Variants in LTBP1 observed in about 807,000 individuals in gnomAD.
LTBP1 encodes the protein latent transforming growth factor beta binding protein 1.
In LTBP1, 129 loss-of-function variants were observed where a neutral mutation model predicts 207.6. The ratio of observed to expected loss-of-function variants is 0.62; its 90% confidence interval spans 0.54 to 0.72. The LOEUF is 0.72. Among genes scored for constraint, LTBP1 ranks in the 30% least tolerant of loss-of-function variants. The probability of loss-of-function intolerance (pLI) is 0.00; values close to 1 mark genes in which losing one functional copy is unlikely to be tolerated. For missense variants in LTBP1, 2,281 were observed against 2,217.2 expected, an observed-to-expected ratio of 1.03 and a Z score of -0.58; for synonymous variants, 963 against 833.7, an observed-to-expected ratio of 1.16 and a Z score of -2.67.
intron 15 of LTBP1, among the ~76,000 whole-genome samples, chr2:33,267,476 A>C (rs1055830472): frequency 4.6e-5 from 7 of 152,268 alleles, no homozygotes; most frequent in African/African-American, 1.7e-4. Context: ...GTTATTCTCT[A>C]TTCTGAGGTC....
At chr2:33,263,532 C>A in intron 15 of LTBP1, 140 bp downstream of exon 15, 1 of 576,520 alleles carries the variant, frequency 1.7e-6, no homozygotes. Flanking sequence ...CATCTAAATA[C>A]AGTTAAAAAG....
intron 8 of LTBP1, among the ~76,000 whole-genome samples, chr2:33,220,517 G>T (rs1447753741): frequency 6.6e-6 from 1 of 152,130 alleles, no homozygotes. Context: ...TTAGAAATGT[G>T]CCTAGCATGA....
At chr2:33,347,117 CAAA>C (rs775058448) in intron 25 of LTBP1, among the ~76,000 whole-genome samples, 1 of 51,988 alleles carries the variant, frequency 1.9e-5, no homozygotes, top group African/African-American at 7.2e-5. Context: ...GACTCCGTCT[CAAA>C]AAAAAAAAAA....
chr2:33,048,793 T>C (rs1371915500), intron 3 of LTBP1, among the ~76,000 whole-genome samples: 2 of 152,148 alleles, frequency 1.3e-5, no homozygotes, highest in East Asian at 1.9e-4. Flanking sequence ...AGCCAAAAAA[T>C]CTTACAGTAT....
chr2:33,211,796 C>T (rs2090335596), intron 7 of LTBP1, among the ~76,000 whole-genome samples: 1 of 152,200 alleles, frequency 6.6e-6, no homozygotes, highest in Non-Finnish European at 1.5e-5. Context: ...TGAAGCAACT[C>T]CAGTGGGGAG....
intron 3 of LTBP1, among the ~76,000 whole-genome samples, chr2:33,029,492 A>T (rs1473687236): frequency 6.6e-6 from 1 of 152,234 alleles, no homozygotes; most frequent in Non-Finnish European, 1.5e-5. Context: ...AAGAAAAAAA[A>T]AAGAAAGTTA....
chr2:33,048,978 C>A (rs1272263243), intron 3 of LTBP1, among the ~76,000 whole-genome samples: 1 of 152,102 alleles, frequency 6.6e-6, no homozygotes, highest in Non-Finnish European at 1.5e-5. Flanking sequence ...TGTTGCCCTG[C>A]AGATAATTTA....
chr2:33,118,079 G>A (rs745486163), intron 4 of LTBP1, among the ~76,000 whole-genome samples: 1 of 152,014 alleles, frequency 6.6e-6, no homozygotes, highest in Non-Finnish European at 1.5e-5. Flanking sequence ...AGCCTTACAG[G>A]GCAGAGCTTT....
intron 9 of LTBP1, among the ~76,000 whole-genome samples, chr2:33,239,738 C>CA (rs372396935): frequency 0.47 from 59,617 of 126,818 alleles, 13,190 homozygotes; most frequent in Non-Finnish European, 0.52. Context: ...ACTAAAAATA[C>CA]AAAAAAAAAA....
At chr2:33,010,560 G>C (rs1460998910) in intron 2 of LTBP1, among the ~76,000 whole-genome samples, 2 of 152,106 alleles carry the variant, frequency 1.3e-5, no homozygotes, top group African/African-American at 4.8e-5. Context: ...AATATTCGGG[G>C]TGATGGATGC....
At chr2:33,381,450 C>A (rs759385542) in intron 31 of LTBP1, among the ~76,000 whole-genome samples, 1 of 152,070 alleles carries the variant, frequency 6.6e-6, no homozygotes, top group African/African-American at 2.4e-5. Flanking sequence ...GGTCTATGGC[C>A]CGTGAGTCTC....
At chr2:33,369,816 C>T (rs991113494) in intron 31 of LTBP1, among the ~76,000 whole-genome samples, 1 of 152,198 alleles carries the variant, frequency 6.6e-6, no homozygotes, top group Non-Finnish European at 1.5e-5. Flanking sequence ...GAGAAGTACA[C>T]AGTGAAATTA....
intron 2 of LTBP1, among the ~76,000 whole-genome samples, chr2:32,977,191 C>T (rs921423009): frequency 6.6e-6 from 1 of 152,236 alleles, no homozygotes; most frequent in Non-Finnish European, 1.5e-5. Flanking sequence ...GTGGCCTCCC[C>T]TGCTGTCCAG....
chr2:33,097,682 T>G (rs1189677128), intron 3 of LTBP1, among the ~76,000 whole-genome samples: 4 of 152,210 alleles, frequency 2.6e-5, no homozygotes, highest in Admixed American at 1.3e-4. Flanking sequence ...TATATAATTA[T>G]CTTTAACTTT....
At chr2:33,040,109 GAA>G (rs2076111415) in intron 3 of LTBP1, among the ~76,000 whole-genome samples, 1 of 152,156 alleles carries the variant, frequency 6.6e-6, no homozygotes, top group Admixed American at 6.5e-5. Flanking sequence ...TGGTATGGAA[GAA>G]AAATGAGCAA....
rs977198676 is a variant in LTBP1, at chr2:33,262,743, G to C, written c.2440G>C (p.Glu814Gln). The C allele has an allele frequency of 1.2e-6, 2 of 1,602,196 alleles. No individual in the cohort carries two copies. The highest frequency in any genetic ancestry group is 1.7e-6 in the Non-Finnish European group (2 of 1,172,922). Residue 814 changes from glutamate (E) to glutamine (Q), a missense_variant, in exon 14 of 34, where the codon GAG becomes CAG. By Grantham distance (29) the Glu-to-Gln change is conservative. This residue lies in a region of LTBP1 where 1,671 missense variants were observed against 1,634.8 expected (regional missense o/e 1.02). Coordinates refer to ENST00000404816, the MANE Select transcript of LTBP1 (RefSeq NM_206943.4). ...PEKEIPSLDQEKTKLEPGQPQ... is the reference protein window; with the variant it reads ...PEKEIPSLDQQKTKLEPGQPQ... Reference sequence around the variant, plus strand: ...CCAGGAAATACCTTCATTGGATCAAGAGAAAACCAAACTTGAGCCTGGTCA... The same window carrying C: ...CCAGGAAATACCTTCATTGGATCAACAGAAAACCAAACTTGAGCCTGGTCA...
intron 3 of LTBP1, among the ~76,000 whole-genome samples, chr2:33,039,994 A>G (rs2149395688): frequency 6.6e-6 from 1 of 152,240 alleles, no homozygotes; most frequent in South Asian, 2.1e-4. Context: ...GGAATCAAGG[A>G]GCAGCCAGAA....
intron 3 of LTBP1, among the ~76,000 whole-genome samples, chr2:33,047,344 C>T (rs1003631886): frequency 6.6e-6 from 1 of 152,098 alleles, no homozygotes; most frequent in African/African-American, 2.4e-5. Context: ...AAAGAACTTA[C>T]TTCTTTCTGC....
Position 33,382,074 on chromosome 2 carries a change from C to CTTTTTTTTTTTTTTT in LTBP1, c.4712-7086_4712-7072dup, listed in dbSNP as rs70938398. On this transcript the variant is annotated intron_variant, in intron 31 of 33. Transcript: ENST00000404816. ...TACAGCAGTTAGCGCCCTACTGCTTCTTTTTTTTTTTTTTTTTTTTTTTTT... is the reference window on the plus strand; with the variant it reads ...TACAGCAGTTAGCGCCCTACTGCTTCTTTTTTTTTTTTTTTTTTTTTTTTTTTTTTTTTTTTTTTT... Among the ~76,000 whole-genome samples the CTTTTTTTTTTTTTTT allele has an allele frequency of 1.7e-4, 8 of 46,784 alleles. 1 individual carries two copies. Among genetic ancestry groups the CTTTTTTTTTTTTTTT allele is most frequent in the African/African-American group, 1.6e-4 (2 of 12,702 alleles). 30.7% of individuals were successfully genotyped at this position (46,784 alleles called of 152,430 possible).
Sources: allele counts gnomAD v4.1 joint callset (sites outside exome capture counted in the v4.1 genomes callset), GRCh38; gene constraint gnomAD v4.1.1; regional missense constraint gnomAD v4.1.1; transcripts MANE v1.5; gene names NCBI Gene and HGNC (gene_info 2026-07-23, HGNC 2026-07-21).